Variants in PRKCH observed in about 807,000 individuals in gnomAD.
PRKCH encodes the protein protein kinase C eta.
In PRKCH, 28 loss-of-function variants were observed where a neutral mutation model predicts 82.5. That is an observed-to-expected ratio of 0.34 (90% confidence interval 0.25 to 0.47). The LOEUF is 0.47. Among genes scored for constraint, PRKCH ranks in the 20% least tolerant of loss-of-function variants. The pLI is 1.00. For synonymous variants in PRKCH, 322 were observed against 327.4 expected, an observed-to-expected ratio of 0.98 and a Z score of 0.18; for missense variants, 705 against 881.8, an observed-to-expected ratio of 0.80 and a Z score of 2.54.
chr14:61,345,652 A>AT (rs1174005849), intron 1 of PRKCH, among the ~76,000 whole-genome samples: 1 of 152,236 alleles, frequency 6.6e-6, no homozygotes, highest in Non-Finnish European at 1.5e-5. Flanking sequence ...TTTCATGTGC[A>AT]TTAACTAATT....
intron 10 of PRKCH, among the ~76,000 whole-genome samples, chr14:61,485,896 G>A (rs1010944029): frequency 6.6e-6 from 1 of 152,224 alleles, no homozygotes; most frequent in African/African-American, 2.4e-5. Flanking sequence ...TAGATAGCTG[G>A]GACTACAGGC....
chr14:61,294,440 T>C (rs867218782), intron 1 of PRKCH, among the ~76,000 whole-genome samples: 1 of 152,070 alleles, frequency 6.6e-6, no homozygotes. Context: ...AGATTTTTAT[T>C]TAAATTTTAT....
At chr14:61,274,542 G>C (rs1479469205) in intron 1 of PRKCH, among the ~76,000 whole-genome samples, 1 of 152,202 alleles carries the variant, frequency 6.6e-6, no homozygotes, top group African/African-American at 2.4e-5. Flanking sequence ...GTGATAAAGA[G>C]AGAATTGACT....
chr14:61,505,955 G>A (rs1401110185), intron 10 of PRKCH, among the ~76,000 whole-genome samples: 1 of 152,082 alleles, frequency 6.6e-6, no homozygotes, highest in African/African-American at 2.4e-5. Context: ...TAAGAAAGGT[G>A]AGGAGCCCCG....
At chr14:61,419,156 T>G (rs1031613382) in intron 2 of PRKCH, among the ~76,000 whole-genome samples, 2 of 152,194 alleles carry the variant, frequency 1.3e-5, no homozygotes, top group African/African-American at 4.8e-5. Flanking sequence ...CAAAGACCTA[T>G]TATAGGAATT....
intron 1 of PRKCH, among the ~76,000 whole-genome samples, chr14:61,312,860 A>G (rs1290822731): frequency 1.3e-5 from 2 of 152,184 alleles, no homozygotes; most frequent in African/African-American, 4.8e-5. Context: ...CAGCCAAACC[A>G]TATCACTCTC....
At chr14:61,210,221 G>A (rs1187263196) in intron 1 of PRKCH, among the ~76,000 whole-genome samples, 1 of 147,888 alleles carries the variant, frequency 6.8e-6, no homozygotes, top group South Asian at 2.2e-4. Flanking sequence ...GGCTGAGGCA[G>A]GAGAACTGCT....
chr14:61,529,309 A>G, intron 11 of PRKCH, 96 bp downstream of exon 11: 1 of 1,441,478 alleles, frequency 6.9e-7, no homozygotes, highest in Non-Finnish European at 9.3e-7. Context: ...GCAGCTTTGG[A>G]GGCAGCATTG....
chr14:61,270,311 T>G (rs1172100559), intron 1 of PRKCH, among the ~76,000 whole-genome samples: 1 of 152,024 alleles, frequency 6.6e-6, no homozygotes, highest in Non-Finnish European at 1.5e-5. Flanking sequence ...TCCACAAACA[T>G]TTTTTAAAAA....
intron 1 of PRKCH, among the ~76,000 whole-genome samples, chr14:61,389,166 A>G (rs186115936): frequency 1.3e-5 from 2 of 152,326 alleles, no homozygotes; most frequent in African/African-American, 4.8e-5. Context: ...GCCTGGTCTC[A>G]GGAGTTCAAG....
intron 10 of PRKCH, among the ~76,000 whole-genome samples, chr14:61,493,345 G>A (rs1886535523): frequency 6.6e-6 from 1 of 152,162 alleles, no homozygotes; most frequent in Non-Finnish European, 1.5e-5. Flanking sequence ...TGAAGATCTA[G>A]GAATCATCTC....
At chr14:61,444,737 G>T (rs117582607) in intron 3 of PRKCH, among the ~76,000 whole-genome samples, 1 of 152,136 alleles carries the variant, frequency 6.6e-6, no homozygotes, top group African/African-American at 2.4e-5. Flanking sequence ...GTCAAGTTGC[G>T]TAGCCTGTCA....
At chr14:61,453,644 T>G (rs1236039823) in intron 7 of PRKCH, among the ~76,000 whole-genome samples, 1 of 148,484 alleles carries the variant, frequency 6.7e-6, no homozygotes, top group Non-Finnish European at 1.5e-5. Context: ...CCCCTTCCCC[T>G]TCCCCTTCCC....
chr14:61,329,655 G>T (rs1487406952), intron 1 of PRKCH, among the ~76,000 whole-genome samples: 2 of 152,160 alleles, frequency 1.3e-5, no homozygotes, highest in Non-Finnish European at 2.9e-5. Flanking sequence ...TTCCTCAAAA[G>T]GAGGAACACT....
At chr14:61,433,043 CAAAA>C (rs34477992) in intron 2 of PRKCH, among the ~76,000 whole-genome samples, 3 of 110,968 alleles carry the variant, frequency 2.7e-5, no homozygotes, top group African/African-American at 7.5e-5. Context: ...CCAACCTCTT[CAAAA>C]AAAAAAAAAA....
Position 61,413,999 on chromosome 14 carries a change from A to T in PRKCH, c.427+22711A>T, listed in dbSNP as rs77949043. Among the ~76,000 whole-genome samples the T allele has an allele frequency of 1.6e-3, 245 of 151,960 alleles. 1 individual carries two copies. The highest frequency in any genetic ancestry group is 5.6e-3 in the African/African-American group (234 of 41,416). On this transcript the variant is annotated intron_variant, in intron 2 of 13. Coordinates refer to ENST00000332981, the MANE Select transcript of PRKCH (RefSeq NM_006255.5). ...GAGCCCACACTTTTTGACTTCTGCA[A>T]CTCTGAAGTCTGGATCATCCCATTC...
chr14:61,494,692 G>C (rs12897140), intron 10 of PRKCH, among the ~76,000 whole-genome samples: 101,325 of 152,214 alleles, frequency 0.67, 39,299 homozygotes, highest in Non-Finnish European at 0.86. Context: ...GCTGTCACCT[G>C]ATTTGGGTTT....
At chr14:61,386,274 T>G (rs58229560) in intron 1 of PRKCH, among the ~76,000 whole-genome samples, 10,147 of 152,234 alleles carry the variant, frequency 0.067, 476 homozygotes, top group East Asian at 0.22. Context: ...GCTAAAGAAT[T>G]TGGACCTTAT....
intron 1 of PRKCH, among the ~76,000 whole-genome samples, chr14:61,244,511 T>C (rs995726177): frequency 6.6e-6 from 1 of 152,246 alleles, no homozygotes; most frequent in Admixed American, 6.5e-5. Context: ...TAATTAGCCA[T>C]GTGGCTGCTA....
Sources: allele counts gnomAD v4.1 joint callset (sites outside exome capture counted in the v4.1 genomes callset), GRCh38; gene constraint gnomAD v4.1.1; transcripts MANE v1.5; gene names NCBI Gene and HGNC (gene_info 2026-07-23, HGNC 2026-07-21).